CDH23: variants seen among roughly 807,000 people sequenced by gnomAD.
The protein encoded by CDH23 is cadherin-23.
Under a neutral mutation model 317.1 loss-of-function variants are expected in CDH23, and 189 were observed. That is an observed-to-expected ratio of 0.60 (90% confidence interval 0.53 to 0.67). CDH23 has a LOEUF of 0.67. Ranked by LOEUF, CDH23 falls within the 30% of genes least tolerant of loss-of-function variation. The pLI is 0.00. For synonymous variants in CDH23, 1,839 were observed against 1,876.8 expected, an observed-to-expected ratio of 0.98 and a Z score of 0.52; for missense variants, 4,401 against 4,592.4, an observed-to-expected ratio of 0.96 and a Z score of 1.20.
intron 69 of CDH23, among the ~76,000 whole-genome samples, chr10:71,814,014 G>GA (rs1564809901): frequency 1.3e-5 from 2 of 152,166 alleles, no homozygotes; most frequent in South Asian, 2.1e-4. Flanking sequence ...ACCTAAAAAC[G>GA]AATCTCCAGC....
At chr10:71,706,281 T>C (rs1865785173) in intron 25 of CDH23, among the ~76,000 whole-genome samples, 1 of 152,008 alleles carries the variant, frequency 6.6e-6, no homozygotes, top group African/African-American at 2.4e-5. Flanking sequence ...AATTAAACCT[T>C]ATTTCGGGGG....
chr10:71,810,549 C>A lies in CDH23; in HGVS notation c.9057C>A (p.Asn3019Lys), dbSNP rs774742354. The change falls in exon 62 of 70, where the codon AAC becomes AAA. Residue 3019 changes from asparagine (N) to lysine (K), a missense_variant. Asn to Lys is a moderately conservative substitution (Grantham distance 94). Around this residue, in one of 3 missense-constraint regions of CDH23, gnomAD observed 1,144 missense variants for 1,138.2 expected, o/e 1.01. Coordinates refer to ENST00000224721, the MANE Select transcript of CDH23 (RefSeq NM_022124.6). ...LLIHVVNRDT[N>K]RILDVDRVIQ... ...TCCACGTGGTGAACCGCGATACCAA[C>A]CGCATCCTGGACGTGGACCGGTGAG... The A allele has an allele frequency of 6.2e-7, 1 of 1,613,976 alleles. No individual in the cohort carries two copies. Among genetic ancestry groups the A allele is most frequent in the South Asian group, 1.1e-5 (1 of 91,088 alleles).
intron 2 of CDH23, among the ~76,000 whole-genome samples, chr10:71,444,566 C>A (rs1029652069): frequency 3.3e-5 from 5 of 152,144 alleles, no homozygotes; most frequent in Non-Finnish European, 7.4e-5. Context: ...GAAGGGCCAT[C>A]GGTCCTGGCC....
At chr10:71,596,819 G>T (rs575192678) in intron 9 of CDH23, among the ~76,000 whole-genome samples, 1 of 152,294 alleles carries the variant, frequency 6.6e-6, no homozygotes, top group South Asian at 2.1e-4. Flanking sequence ...TCTTACAGGA[G>T]GAGTGAAGTG....
At chr10:71,675,676 A>G (rs1205353311) in intron 15 of CDH23, among the ~76,000 whole-genome samples, 1 of 152,190 alleles carries the variant, frequency 6.6e-6, no homozygotes, top group Non-Finnish European at 1.5e-5. Context: ...TCAGACAGCT[A>G]TAAGTGCCGT....
At chr10:71,442,145 T>C (rs1458927060) in intron 2 of CDH23, among the ~76,000 whole-genome samples, 2 of 152,190 alleles carry the variant, frequency 1.3e-5, no homozygotes, top group Non-Finnish European at 2.9e-5. Flanking sequence ...AAATGGGGCA[T>C]AGAAAACAGA....
chr10:71,679,464 C>T lies in CDH23; in HGVS notation c.1830C>T (p.Phe610=), dbSNP rs767786055. 3.1e-6 allele frequency: 5 copies of T among 1,612,280 alleles called. No individual in the cohort carries two copies. The Admixed American group carries it at 5.0e-5, about 16-fold the overall frequency. ...IVSASAFGSY[F]DISLYEGYGV... is the part of the protein sequence containing the mutation. ...GTGCATCTGCCTTTGGCAGCTACTT[C>T]GACATCAGCCTGTACGAGGGCTATG... The change falls in exon 17 of 70, where the codon TTC becomes TTT. Residue 610 remains phenylalanine, a synonymous_variant. Coordinates refer to ENST00000224721, the MANE Select transcript of CDH23 (RefSeq NM_022124.6).
At chr10:71,791,432 TG>T in intron 47 of CDH23, 97 bp downstream of exon 47, 1 of 1,065,216 alleles carries the variant, frequency 9.4e-7, no homozygotes, top group Non-Finnish European at 1.4e-6. Flanking sequence ...TTGCCTCCAG[TG>T]GGGAGAAAGA....
At chr10:71,731,541 G>A (rs1466088844) in intron 31 of CDH23, among the ~76,000 whole-genome samples, 1 of 152,174 alleles carries the variant, frequency 6.6e-6, no homozygotes, top group Non-Finnish European at 1.5e-5. Context: ...GAGTGGGGAG[G>A]ATGGGGGAAG....
Position 71,677,801 on chromosome 10 carries a change from T to C in CDH23, c.1752+108T>C, listed in dbSNP as rs931881974. 4 of 935,466 alleles carry C rather than the reference T, an allele frequency of 4.3e-6. No individual in the cohort carries two copies. In the African/African-American group the frequency reaches 4.9e-5, roughly 11 times the overall value. 57.9% of individuals were successfully genotyped at this position (935,466 alleles called of 1,614,324 possible). ...TGTTTTTATGAGACAGGTCTCACTCTTTCACCCAGGCTGGAGTGCAGTGGT... is the reference window on the plus strand; with the variant it reads ...TGTTTTTATGAGACAGGTCTCACTCCTTCACCCAGGCTGGAGTGCAGTGGT... On this transcript the variant is annotated intron_variant, in intron 16 of 69. Coordinates refer to ENST00000224721, the MANE Select transcript of CDH23 (RefSeq NM_022124.6).
At chr10:71,673,151 T>A (rs889127185) in intron 14 of CDH23, among the ~76,000 whole-genome samples, 6 of 152,228 alleles carry the variant, frequency 3.9e-5, no homozygotes, top group African/African-American at 1.4e-4. Context: ...TTTCAGGCAT[T>A]TATGAAGCAT....
chr10:71,632,485 G>A (rs756577321), intron 11 of CDH23, among the ~76,000 whole-genome samples: 6 of 152,196 alleles, frequency 3.9e-5, no homozygotes, highest in African/African-American at 9.7e-5. Context: ...CAATGACAGA[G>A]AGCACCGGTG....
At chr10:71,432,075 C>G (rs1283299963) in intron 1 of CDH23, among the ~76,000 whole-genome samples, 1 of 152,132 alleles carries the variant, frequency 6.6e-6, no homozygotes, top group Non-Finnish European at 1.5e-5. Flanking sequence ...TTGCAAGGAA[C>G]CTGGCTTCCT....
At chr10:71,430,944 T>C (rs1190159351) in intron 1 of CDH23, among the ~76,000 whole-genome samples, 1 of 152,206 alleles carries the variant, frequency 6.6e-6, no homozygotes, top group East Asian at 1.9e-4. Context: ...GTCCTCAGGA[T>C]ACATGGTCAT....
Position 71,807,518 on chromosome 10 carries a change from G to A in CDH23, c.8311G>A (p.Gly2771Ser), listed in dbSNP as rs201076440. The A allele has an allele frequency of 5.8e-4, 943 of 1,613,678 alleles. 1 individual carries two copies. Among genetic ancestry groups the A allele is most frequent in the Non-Finnish European group, 7.6e-4 (898 of 1,179,724 alleles). ...CTGTGCCATGATCCCACCCTCAGCCGGCAACGAAGAGAAGAACTTCCATCT... is the reference window on the plus strand; with the variant it reads ...CTGTGCCATGATCCCACCCTCAGCCAGCAACGAAGAGAAGAACTTCCATCT... ...NAIVYYFIAA[G>S]NEEKNFHLQP... Residue 2771 changes from glycine (G) to serine (S), a missense_variant and splice_region_variant, in exon 59 of 70, where the codon GGC (glycine) becomes AGC (serine). Transcript: ENST00000224721.
chr10:71,406,312 G>T (rs1320218457), intron 1 of CDH23, among the ~76,000 whole-genome samples: 2 of 152,202 alleles, frequency 1.3e-5, no homozygotes, highest in East Asian at 3.8e-4. Flanking sequence ...GGGGAAGAGG[G>T]TCTGGCCTGT....
intron 32 of CDH23, chr10:71,732,822 G>T: frequency 1.9e-6 from 1 of 515,984 alleles, no homozygotes; most frequent in Non-Finnish European, 2.6e-6. Context: ...CCCCATTATC[G>T]GCAACCAATT....
At chr10:71,796,509 C>T (rs1841407707) in intron 48 of CDH23, among the ~76,000 whole-genome samples, 1 of 152,178 alleles carries the variant, frequency 6.6e-6, no homozygotes, top group African/African-American at 2.4e-5. Context: ...CACCACTGTC[C>T]CCTCCAGGGA....
intron 6 of CDH23, among the ~76,000 whole-genome samples, chr10:71,535,443 C>G (rs987911408): frequency 6.6e-6 from 1 of 152,208 alleles, no homozygotes; most frequent in Non-Finnish European, 1.5e-5. Context: ...GCCTGACTTC[C>G]AGGCCTAGTG....
Sources: allele counts gnomAD v4.1 joint callset (sites outside exome capture counted in the v4.1 genomes callset), GRCh38; gene constraint gnomAD v4.1.1; regional missense constraint gnomAD v4.1.1; transcripts MANE v1.5; gene names NCBI Gene and HGNC (gene_info 2026-07-23, HGNC 2026-07-21).